Variants in HOXD13 observed in about 807,000 individuals in gnomAD.
The protein encoded by HOXD13 is homeobox protein Hox-D13.
A neutral mutation model predicts 27.3 loss-of-function variants in HOXD13; 16 were observed. The observed-to-expected ratio is 0.59, with a 90% CI of 0.40 to 0.89. HOXD13 has a LOEUF of 0.89. Among genes scored for constraint, HOXD13 ranks in the 40% least tolerant of loss-of-function variants. The pLI is 0.00. For missense variants in HOXD13, 481 were observed against 482.6 expected (o/e 1.00, Z 0.03); for synonymous variants, 241 against 219.0 (o/e 1.10, Z -0.89).
rs1689356421 is a variant in HOXD13 at position 176,093,306 on chromosome 2, G to A, written c.416G>A (p.Arg139His). The change falls in exon 1 of 2, where the codon CGT (arginine) becomes CAT (histidine). Residue 139 changes from arginine to histidine, a missense_variant. Transcript: ENST00000392539. ...YHFGNGYYSC[R>H]MSHGVGLQQN... is the part of the protein sequence containing the mutation. ...TTCGGCAACGGCTACTACAGCTGCC[G>A]TATGTCGCACGGCGTGGGCTTACAG... 6.2e-7 allele frequency: 1 copy of A among 1,612,452 alleles called. No homozygotes were observed. Among genetic ancestry groups the A allele is most frequent in the Non-Finnish European group, 8.5e-7 (1 of 1,179,788 alleles).
In HOXD13 at chr2:176,092,947, C is replaced by T; in HGVS notation, c.57C>T (p.Ala19=). 1 of 1,327,694 alleles carries T rather than the reference C, an allele frequency of 7.5e-7. No homozygotes were observed. Among genetic ancestry groups the T allele is most frequent in the Non-Finnish European group, 9.6e-7 (1 of 1,042,162 alleles). The allele number at this position is 1,327,694 out of a possible 1,614,324, so 82.2% of individuals were successfully genotyped here. A position where few individuals can be genotyped will look rare whatever the true frequency, so the allele number is the denominator to read the frequency against. Reference sequence around the variant, plus strand: ...GGCTGCGGGCAGACGGCGGGGGCGCCGGTGGCGCCCCGGCCTCTTCCTCCT... The same window carrying T: ...GGCTGCGGGCAGACGGCGGGGGCGCTGGTGGCGCCCCGGCCTCTTCCTCCT... The part of the protein sequence containing the change: ...MDGLRADGGG[A]GGAPASSSSS... Residue 19 remains alanine (A), a synonymous_variant, in exon 1 of 2, where the codon GCC becomes GCT. Coordinates refer to ENST00000392539, the MANE Select transcript of HOXD13 (RefSeq NM_000523.4).
At chr2:176,088,512 G>C (rs1268316963), upstream of HOXD13, among the ~76,000 whole-genome samples, 3 of 152,126 alleles carry the variant, frequency 2.0e-5, no homozygotes, top group East Asian at 3.9e-4. Flanking sequence ...GCGCGCCGCC[G>C]GGCCGGGAAG....
In HOXD13 at chr2:176,092,858, A is replaced by G. The variant is rs1006933432; in HGVS notation, c.-33A>G. ...GCGCCATGGTGTCCTGCGCGGGGCC[A>G]GGGCCAGGGCCGGGGCCGGGCCAGG... On this transcript the variant is annotated 5_prime_UTR_variant, in exon 1 of 2. Coordinates refer to ENST00000392539, the MANE Select transcript of HOXD13 (RefSeq NM_000523.4). 1.1e-5 allele frequency: 13 copies of G among 1,188,348 alleles called. No individual in the cohort carries two copies. Among genetic ancestry groups the G allele is most frequent in the African/African-American group, 4.8e-5 (3 of 62,570 alleles). The allele number at this position is 1,188,348 out of a possible 1,614,324, so 73.6% of individuals were successfully genotyped here.
upstream of HOXD13, among the ~76,000 whole-genome samples, chr2:176,091,685 CCT>C (rs1415915558): frequency 6.6e-6 from 1 of 152,152 alleles, no homozygotes; most frequent in East Asian, 1.9e-4. Context: ...TTAATTTGCC[CCT>C]CTCAGTTCTC....
At chr2:176,088,144 G>A (rs1419950910), upstream of HOXD13, among the ~76,000 whole-genome samples, 1 of 152,278 alleles carries the variant, frequency 6.6e-6, no homozygotes, top group African/African-American at 2.4e-5. Context: ...GCAGGGTGCA[G>A]TGGGACAGTA....
At chr2:176,093,989 C>T (rs150383892) in intron 1 of HOXD13, among the ~76,000 whole-genome samples, 32 of 152,246 alleles carry the variant, frequency 2.1e-4, no homozygotes, top group African/African-American at 7.0e-4. Context: ...TCCTAAGAAA[C>T]CTGACAGAGT....
rs1689400932 is a variant in HOXD13, at chr2:176,095,635, T to G, written c.*905T>G. On this transcript the variant is annotated 3_prime_UTR_variant, in exon 2 of 2. Transcript: ENST00000392539. The stretch of plus-strand genomic sequence containing the variant: ...GAGGCTGAATCAATGTGGCCGTGGG[T>G]GGGAACTTACATACAGAACCCAATG... The G allele has an allele frequency of 4.4e-6, 1 of 228,308 alleles. No homozygotes were observed. The highest frequency in any genetic ancestry group is 1.8e-4 in the South Asian group (1 of 5,498). The allele number at this position is 228,308 out of a possible 1,614,324, so 14.1% of individuals were successfully genotyped here. A position where few individuals can be genotyped will look rare whatever the true frequency, so the allele number is the denominator to read the frequency against.
chr2:176,091,568 C>T (rs1049789927), upstream of HOXD13, among the ~76,000 whole-genome samples: 12 of 152,130 alleles, frequency 7.9e-5, no homozygotes, highest in African/African-American at 2.2e-4. Context: ...AGAGCTGGAC[C>T]TAGCCCCACC....
At position 176,094,714 on chromosome 2, in the gene HOXD13, A is replaced by G; in HGVS notation, c.1016A>G (p.Lys339Arg). Residue 339 changes from lysine (K) to arginine (R), a missense_variant, in exon 2 of 2, where the codon AAA (lysine) becomes AGA (arginine). Transcript: ENST00000392539. ...GACAAGAAAATTGTCTCCAAGCTCAAAGATACTGTCTCCTGATGTGGTCCA... is the reference window on the plus strand; with the variant it reads ...GACAAGAAAATTGTCTCCAAGCTCAGAGATACTGTCTCCTGATGTGGTCCA... ...VKDKKIVSKL[K>R]DTVS The G allele has an allele frequency of 6.2e-7, 1 of 1,614,158 alleles. No individual in the cohort carries two copies. Among genetic ancestry groups the G allele is most frequent in the Non-Finnish European group, 8.5e-7 (1 of 1,179,978 alleles).
At position 176,093,325 on chromosome 2, in the gene HOXD13, C is replaced by T. The variant is rs762909441; in HGVS notation, c.435C>T (p.Gly145=). Residue 145 remains glycine (G), a synonymous_variant, in exon 1 of 2, where the codon GGC becomes GGT. Transcript: ENST00000392539. ...YYSCRMSHGV[G]LQQNALKSSP... ...GCTGCCGTATGTCGCACGGCGTGGG[C>T]TTACAGCAGAATGCGCTCAAGTCAT... The T allele has an allele frequency of 2.0e-5, 32 of 1,613,112 alleles. No individual in the cohort carries two copies. In the South Asian group the frequency reaches 3.4e-4, roughly 17 times the overall value.
Position 176,092,774 on chromosome 2 carries a change from G to A in HOXD13, c.-117G>A, listed in dbSNP as rs1007131292. ...AGGCTCACAGAGGGAGAGAGGGCTA[G>A]AGGAAGAGGGCGGGAGCGAGCGAAC... On this transcript the variant is annotated 5_prime_UTR_variant, in exon 1 of 2. Transcript: ENST00000392539. 8.2e-6 allele frequency: 5 copies of A among 613,324 alleles called. No individual in the cohort carries two copies. Among genetic ancestry groups the A allele is most frequent in the Middle Eastern group, 1.1e-3 (2 of 1,894 alleles). The allele number at this position is 613,324 out of a possible 1,614,324, so 38.0% of individuals were successfully genotyped here.
upstream of HOXD13, among the ~76,000 whole-genome samples, chr2:176,089,892 T>G (rs538966260): frequency 2.5e-3 from 380 of 152,338 alleles, 3 homozygotes; most frequent in Middle Eastern, 0.031. Context: ...CTATTTCTGT[T>G]GTTAAAAACC....
chr2:176,089,261 T>C (rs1206545847), upstream of HOXD13, among the ~76,000 whole-genome samples: 1 of 152,182 alleles, frequency 6.6e-6, no homozygotes, highest in Admixed American at 6.5e-5. Context: ...AAACTGGGTG[T>C]TGCCTGGAGA....
upstream of HOXD13, among the ~76,000 whole-genome samples, chr2:176,090,034 C>T (rs1312297413): frequency 1.3e-5 from 2 of 152,252 alleles, no homozygotes; most frequent in Non-Finnish European, 2.9e-5. Context: ...TCCTCCTCTA[C>T]CTGGCATCCC....
Position 176,092,977 on chromosome 2 carries a change from A to G in HOXD13, c.87A>G (p.Ser29=), listed in dbSNP as rs1452063546. 3 of 1,348,826 alleles carry G rather than the reference A, an allele frequency of 2.2e-6. No homozygotes were observed. The highest frequency in any genetic ancestry group is 2.8e-6 in the Non-Finnish European group (3 of 1,053,376). 83.6% of individuals were successfully genotyped at this position (1,348,826 alleles called of 1,614,324 possible). A position where few individuals can be genotyped will look rare whatever the true frequency, so the allele number is the denominator to read the frequency against. ...GCGCCCCGGCCTCTTCCTCCTCCTCATCGGTGGCGGCGGCGGCGGCGTCAG... is the reference window on the plus strand; with the variant it reads ...GCGCCCCGGCCTCTTCCTCCTCCTCGTCGGTGGCGGCGGCGGCGGCGTCAG... ...AGGAPASSSS[S]SVAAAAASGQ... The change falls in exon 1 of 2, where the codon TCA becomes TCG. Residue 29 remains serine (S), a synonymous_variant. Transcript: ENST00000392539.
At position 176,094,614 on chromosome 2, in the gene HOXD13, C is replaced by T. The variant is rs28933082; in HGVS notation, c.916C>T (p.Arg306Trp). The stretch of plus-strand genomic sequence containing the variant: ...TAACAAATTCATTAACAAGGACAAG[C>T]GGCGGCGTATCTCGGCTGCTACGAA... ...AINKFINKDK[R>W]RRISAATNLS... Residue 306 changes from arginine to tryptophan, a missense_variant, in exon 2 of 2, where the codon CGG becomes TGG. Physicochemically the swap from Arg to Trp is moderately radical, Grantham distance 101. Coordinates refer to ENST00000392539, the MANE Select transcript of HOXD13 (RefSeq NM_000523.4). 1.2e-6 allele frequency: 2 copies of T among 1,613,914 alleles called. No homozygotes were observed. Among genetic ancestry groups the T allele is most frequent in the Admixed American group, 1.7e-5 (1 of 59,996 alleles).
In HOXD13 at chr2:176,095,630, G is replaced by C. The variant is rs1003422511; in HGVS notation, c.*900G>C. The C allele has an allele frequency of 4.4e-6, 1 of 227,944 alleles. No individual in the cohort carries two copies. Among genetic ancestry groups the C allele is most frequent in the Non-Finnish European group, 8.7e-6 (1 of 114,760 alleles). The allele number at this position is 227,944 out of a possible 1,614,324, so 14.1% of individuals were successfully genotyped here. A position where few individuals can be genotyped will look rare whatever the true frequency, so the allele number is the denominator to read the frequency against. ...AAAAAGAGGCTGAATCAATGTGGCC[G>C]TGGGTGGGAACTTACATACAGAACC... is the stretch of plus-strand genomic sequence containing the variant. On this transcript the variant is annotated 3_prime_UTR_variant, in exon 2 of 2. Transcript: ENST00000392539.
At position 176,094,942 on chromosome 2, in the gene HOXD13, G is replaced by A; in HGVS notation, c.*212G>A. 1 of 572,098 alleles carries A rather than the reference G, an allele frequency of 1.7e-6. No individual in the cohort carries two copies. Among genetic ancestry groups the A allele is most frequent in the Non-Finnish European group, 3.1e-6 (1 of 320,044 alleles). 35.4% of individuals were successfully genotyped at this position (572,098 alleles called of 1,614,324 possible). ...TTCTGATTTTTACTTGTTTATTATT[G>A]GTTTTGTTCTTGCCTAGGGTTTTTA... On this transcript the variant is annotated 3_prime_UTR_variant, in exon 2 of 2. Transcript: ENST00000392539.
intron 1 of HOXD13, among the ~76,000 whole-genome samples, chr2:176,094,252 T>C (rs1159371744): frequency 6.6e-6 from 1 of 152,202 alleles, no homozygotes; most frequent in Non-Finnish European, 1.5e-5. Context: ...GAAACTATGA[T>C]AATCAATCAA....
Sources: gnomAD v4.1 joint callset for allele counts (sites outside exome capture counted in the v4.1 genomes callset) on GRCh38, gnomAD v4.1.1 for gene constraint, MANE v1.5 for transcripts, NCBI Gene and HGNC (gene_info 2026-07-23, HGNC 2026-07-21) for gene names.